The following KCNIP4 variants were observed in gnomAD, a reference collection of about 807,000 sequenced individuals.
KCNIP4 encodes potassium voltage-gated channel interacting protein 4.
Under a neutral mutation model 34.0 loss-of-function variants are expected in KCNIP4, and 12 were observed. That is an observed-to-expected ratio of 0.35 (90% CI 0.23 to 0.57). The LOEUF is 0.57. KCNIP4 is among the 20% of genes least tolerant of loss of function. The pLI, the probability that KCNIP4 is intolerant of heterozygous loss-of-function variation, is 0.83. For missense variants in KCNIP4, 238 were observed against 311.7 expected (o/e 0.76, Z 1.78); for synonymous variants, 124 against 102.2 (o/e 1.21, Z -1.29).
chr4:21,245,586 G>T (rs374192798), intron 1 of KCNIP4, among the ~76,000 whole-genome samples: 2 of 152,196 alleles, frequency 1.3e-5, no homozygotes, highest in South Asian at 2.1e-4. Flanking sequence ...TAGGTCATGG[G>T]TGATACATTT....
In KCNIP4 at chr4:20,903,939, T is replaced by C. The variant is rs570017729; in HGVS notation, c.62-21230A>G. On this transcript the variant is annotated intron_variant, in intron 1 of 8. Transcript: ENST00000382152. The stretch of plus-strand genomic sequence containing the variant: ...CTTGCTGCCCCACTCTATTAGATTA[T>C]CAATTTTAGATCAACTGCTGCAGGT... Among the ~76,000 whole-genome samples, 3 of 152,292 alleles carry C rather than the reference T, an allele frequency of 2.0e-5. No homozygotes were observed. In the East Asian group the frequency reaches 5.8e-4, roughly 29 times the overall value.
intron 1 of KCNIP4, among the ~76,000 whole-genome samples, chr4:21,070,936 A>C (rs28849791): frequency 0.023 from 3,534 of 151,832 alleles, 125 homozygotes; most frequent in African/African-American, 0.08. Flanking sequence ...CGGCTTCCCA[A>C]AGTGCTGGAA....
chr4:20,759,928 C>T (rs1469423530), intron 3 of KCNIP4, among the ~76,000 whole-genome samples: 2 of 152,184 alleles, frequency 1.3e-5, no homozygotes, highest in Admixed American at 6.6e-5. Context: ...TACCAAAATC[C>T]ATGCACATTC....
intron 1 of KCNIP4, among the ~76,000 whole-genome samples, chr4:21,603,015 T>C (rs757623182): frequency 5.9e-5 from 9 of 152,190 alleles, no homozygotes; most frequent in African/African-American, 2.2e-4. Flanking sequence ...TGATTATTCC[T>C]TTTTGGCAGT....
At chr4:20,790,268 G>A (rs917791010) in intron 3 of KCNIP4, among the ~76,000 whole-genome samples, 3 of 152,102 alleles carry the variant, frequency 2.0e-5, no homozygotes, top group Non-Finnish European at 2.9e-5. Context: ...TACCATGAAT[G>A]GGAATTGCTC....
intron 1 of KCNIP4, among the ~76,000 whole-genome samples, chr4:21,460,079 A>G (rs983608269): frequency 1.3e-5 from 2 of 150,358 alleles, no homozygotes; most frequent in African/African-American, 4.9e-5. Flanking sequence ...AAAAACCTAC[A>G]AGGCCTTGCA....
At position 20,896,623 on chromosome 4, in the gene KCNIP4, G is replaced by A. The variant is rs145062296; in HGVS notation, c.62-13914C>T. Among the ~76,000 whole-genome samples the A allele has an allele frequency of 1.7e-3, 266 of 152,202 alleles. 1 individual carries two copies. The highest frequency in any genetic ancestry group is 5.6e-3 in the African/African-American group (233 of 41,530). On this transcript the variant is annotated intron_variant, in intron 1 of 8. Coordinates refer to ENST00000382152, the MANE Select transcript of KCNIP4 (RefSeq NM_025221.6). ...AGGAGCCAGGAGAGGAACAAGAATA[G>A]GTTCTCCTTCAGAGCCTCCAGAAAG...
chr4:21,898,278 C>T (rs964627301), intron 1 of KCNIP4, among the ~76,000 whole-genome samples: 29 of 152,078 alleles, frequency 1.9e-4, no homozygotes, highest in African/African-American at 7.0e-4. Flanking sequence ...TCTTGGGATG[C>T]ACATGACCTA....
At chr4:21,479,196 T>C (rs929981068) in intron 1 of KCNIP4, among the ~76,000 whole-genome samples, 3 of 152,164 alleles carry the variant, frequency 2.0e-5, no homozygotes, top group African/African-American at 7.2e-5. Flanking sequence ...AGACACCTAC[T>C]ATCACCAACT....
chr4:21,175,125 T>C (rs1978738), intron 1 of KCNIP4, among the ~76,000 whole-genome samples: 70,300 of 149,750 alleles, frequency 0.47, 16,470 homozygotes, highest in Non-Finnish European at 0.5. Flanking sequence ...TCTTTTTTCT[T>C]AGATAATTTA....
At position 21,456,628 on chromosome 4, in the gene KCNIP4, G is replaced by A. The variant is rs1012513014; in HGVS notation, c.61+491943C>T. 8.8e-5 allele frequency among the ~76,000 whole-genome samples: 13 copies of A among 147,692 alleles called. 2 individuals are homozygous for A. Among genetic ancestry groups the A allele is most frequent in the African/African-American group, 3.4e-4 (13 of 37,896 alleles). ...AAACATTTTAAAATGCATGTCTTAA[G>A]GAAATGTTTGAATCAACATCTAAGA... On this transcript the variant is annotated intron_variant, in intron 1 of 8. Transcript: ENST00000382152.
chr4:21,043,133 C>T (rs1286203469), intron 1 of KCNIP4, among the ~76,000 whole-genome samples: 2 of 152,140 alleles, frequency 1.3e-5, no homozygotes, highest in African/African-American at 4.8e-5. Context: ...TGTTTTTAAG[C>T]ATCAGGAGGA....
At chr4:21,432,035 T>C (rs1384187358) in intron 1 of KCNIP4, among the ~76,000 whole-genome samples, 2 of 131,182 alleles carry the variant, frequency 1.5e-5, no homozygotes, top group African/African-American at 5.6e-5. Context: ...CATAATCTCA[T>C]TAAAGAACAA....
chr4:21,638,035 A>G (rs1185522489), intron 1 of KCNIP4, among the ~76,000 whole-genome samples: 1 of 152,110 alleles, frequency 6.6e-6, no homozygotes, highest in East Asian at 1.9e-4. Flanking sequence ...CCTTCCTCTC[A>G]TCCAATTCCT....
chr4:20,859,834 T>C (rs1722005665), intron 2 of KCNIP4, among the ~76,000 whole-genome samples: 1 of 152,192 alleles, frequency 6.6e-6, no homozygotes. Flanking sequence ...TTTGACGACA[T>C]GCTTTGGAAA....
intron 1 of KCNIP4, among the ~76,000 whole-genome samples, chr4:21,166,938 CAAAAAAAAA>C (rs55649635): frequency 5.3e-5 from 2 of 37,544 alleles, no homozygotes; most frequent in African/African-American, 1.1e-4. Context: ...CACTCCATCT[CAAAAAAAAA>C]AAAAAAAAAA....
At chr4:21,310,365 G>A (rs565922156) in intron 1 of KCNIP4, among the ~76,000 whole-genome samples, 2 of 152,038 alleles carry the variant, frequency 1.3e-5, no homozygotes, top group African/African-American at 4.8e-5. Flanking sequence ...GAGCCTGAAA[G>A]AACAGTCAAA....
chr4:21,567,575 T>A (rs1740009128), intron 1 of KCNIP4, among the ~76,000 whole-genome samples: 2 of 152,170 alleles, frequency 1.3e-5, no homozygotes, highest in Admixed American at 1.3e-4. Flanking sequence ...CTATTTGGAT[T>A]TTCTGATGTG....
intron 3 of KCNIP4, among the ~76,000 whole-genome samples, chr4:20,800,363 C>A (rs903282443): frequency 2.0e-5 from 3 of 152,154 alleles, no homozygotes; most frequent in Admixed American, 6.5e-5. Flanking sequence ...TGCAGGAACA[C>A]AAGAAACACA....
Sources: gnomAD v4.1 joint callset for allele counts (sites outside exome capture counted in the v4.1 genomes callset) on GRCh38, gnomAD v4.1.1 for gene constraint, MANE v1.5 for transcripts, NCBI Gene and HGNC (gene_info 2026-07-23, HGNC 2026-07-21) for gene names.